TENM1: variants seen among roughly 807,000 people sequenced by gnomAD.
TENM1 encodes teneurin-1.
A neutral mutation model predicts 174.8 loss-of-function variants in TENM1; 35 were observed. That is an observed-to-expected ratio of 0.20 (90% CI 0.15 to 0.27). The LOEUF is 0.27. Among genes scored for constraint, TENM1 ranks in the 10% least tolerant of loss-of-function variants. The probability of loss-of-function intolerance (pLI) is 1.00; values close to 1 mark genes in which losing one functional copy is unlikely to be tolerated. For missense variants in TENM1, 1,633 were observed against 2,130.1 expected (o/e 0.77, Z 4.59); for synonymous variants, 781 against 798.7 (o/e 0.98, Z 0.37).
chrX:124,634,519 C>T (rs886958561), intron 11 of TENM1, among the ~76,000 whole-genome samples: 8 of 110,525 alleles, frequency 7.2e-5, no homozygotes, highest in African/African-American at 2.3e-4. Context: ...TGAATAGCTG[C>T]GTAGTTATCC....
the TENM1 span, among the ~76,000 whole-genome samples, chrX:125,063,783 C>A: frequency 9.0e-6 from 1 of 111,113 alleles, no homozygotes; most frequent in Non-Finnish European, 1.9e-5. Context: ...CTAGAAATAC[C>A]ATTTGACCCA....
At chrX:124,911,412 A>G (rs748579418) in intron 1 of TENM1, among the ~76,000 whole-genome samples, 5 of 111,493 alleles carry the variant, frequency 4.5e-5, no homozygotes, top group African/African-American at 1.6e-4. Flanking sequence ...TGATGATAGG[A>G]CAAGGAGGTA....
intron 3 of TENM1, among the ~76,000 whole-genome samples, chrX:124,872,017 C>G (rs781093259): frequency 1.2e-5 from 1 of 85,114 alleles, no homozygotes; most frequent in Non-Finnish European, 2.1e-5. Flanking sequence ...GGCGACAGAG[C>G]GAGACTCTGT....
rs142641779 is a variant in TENM1, at chrX:124,895,911, G to A, written c.478+70C>T. On this transcript the variant is annotated intron_variant, in intron 2 of 31. Transcript: ENST00000422452. ...TGAAAGAAGGGCAGATATAGGGAAG[G>A]AGAACAAAGCAAAGGCTAAAAACTG... 2.0e-3 allele frequency: 2,246 copies of A among 1,130,970 alleles called. 34 individuals are homozygous for A. In the African/African-American group the frequency reaches 0.032, roughly 16 times the overall value. 93.2% of individuals were successfully genotyped at this position (1,130,970 alleles called of 1,213,427 possible). A position where few individuals can be genotyped will look rare whatever the true frequency, so the allele number is the denominator to read the frequency against.
chrX:125,159,973 G>A, the TENM1 span, among the ~76,000 whole-genome samples: 1 of 110,662 alleles, frequency 9.0e-6, no homozygotes, highest in Non-Finnish European at 1.9e-5. Context: ...GTGGAGGCCG[G>A]CAGATCACTT....
At chrX:124,705,466 C>T (rs1181117883) in intron 4 of TENM1, among the ~76,000 whole-genome samples, 2 of 110,667 alleles carry the variant, frequency 1.8e-5, no homozygotes, top group Non-Finnish European at 3.8e-5. Flanking sequence ...TCATCTAGAC[C>T]TTTAAGAAAC....
chrX:124,715,624 TCTTTTCTTTTC>T (rs1485812932), intron 4 of TENM1, among the ~76,000 whole-genome samples: 2 of 109,895 alleles, frequency 1.8e-5, no homozygotes, highest in African/African-American at 3.3e-5. Flanking sequence ...TTTTTCCTTT[TCTTTTCTTTTC>T]CTTTTCTTTT....
At chrX:125,049,819 G>A in the TENM1 span, among the ~76,000 whole-genome samples, 1 of 110,558 alleles carries the variant, frequency 9.0e-6, no homozygotes, top group African/African-American at 3.3e-5. Context: ...GGTCATTTGT[G>A]TGTTTTCTTT....
chrX:125,075,412 C>T, the TENM1 span, among the ~76,000 whole-genome samples: 1 of 111,219 alleles, frequency 9.0e-6, no homozygotes, highest in Admixed American at 9.6e-5. Flanking sequence ...TGGGGTATAG[C>T]CACTTTTTGG....
chrX:124,554,983 A>G (rs775608941), intron 14 of TENM1, among the ~76,000 whole-genome samples: 1 of 112,280 alleles, frequency 8.9e-6, no homozygotes, highest in East Asian at 2.8e-4. Context: ...AGAGAAAAAA[A>G]GGCTGTTTGG....
intron 1 of TENM1, among the ~76,000 whole-genome samples, chrX:124,952,860 ATGAC>A (rs1475139543): frequency 8.9e-6 from 1 of 111,798 alleles, no homozygotes; most frequent in Non-Finnish European, 1.9e-5. Context: ...TGTCACAAGA[ATGAC>A]TGGCACCAAA....
intron 4 of TENM1, among the ~76,000 whole-genome samples, chrX:124,706,123 T>C (rs2148495985): frequency 8.9e-6 from 1 of 112,088 alleles, no homozygotes; most frequent in Non-Finnish European, 1.9e-5. Flanking sequence ...CAGGATGGTA[T>C]CCATCTCTTG....
intron 18 of TENM1, among the ~76,000 whole-genome samples, chrX:124,504,742 G>C (rs1397338353): frequency 9.0e-6 from 1 of 111,323 alleles, no homozygotes; most frequent in African/African-American, 3.3e-5. Context: ...TCCTTCCTTT[G>C]TCATTTGGTT....
At chrX:125,138,850 G>T in the TENM1 span, among the ~76,000 whole-genome samples, 5 of 110,742 alleles carry the variant, frequency 4.5e-5, no homozygotes, top group Non-Finnish European at 9.5e-5. Context: ...AATGGTAGGT[G>T]TGGGGACTTC....
At chrX:124,472,438 T>C (rs1178552148) in intron 22 of TENM1, among the ~76,000 whole-genome samples, 1 of 101,554 alleles carries the variant, frequency 9.8e-6, no homozygotes, top group Non-Finnish European at 2.0e-5. Flanking sequence ...ATGTTGCATA[T>C]AACTTATGTC....
chrX:125,203,165 C>T, the TENM1 span, among the ~76,000 whole-genome samples: 1 of 112,804 alleles, frequency 8.9e-6, no homozygotes, highest in East Asian at 2.8e-4. Flanking sequence ...TCCTGCAGTT[C>T]CCCCGGGAAC....
intron 19 of TENM1, among the ~76,000 whole-genome samples, chrX:124,502,145 G>A (rs912554237): frequency 1.8e-5 from 2 of 112,141 alleles, no homozygotes; most frequent in Admixed American, 1.9e-4. Flanking sequence ...AATCACTGAA[G>A]TGTACATTTA....
At chrX:125,192,211 G>GAAA in the TENM1 span, among the ~76,000 whole-genome samples, 1 of 109,739 alleles carries the variant, frequency 9.1e-6, no homozygotes, top group East Asian at 2.8e-4. Flanking sequence ...AAGGCCCTGA[G>GAAA]AAAAAAAAAG....
intron 3 of TENM1, among the ~76,000 whole-genome samples, chrX:124,788,315 G>A (rs1349512967): frequency 9.0e-6 from 1 of 110,971 alleles, no homozygotes; most frequent in Non-Finnish European, 1.9e-5. Context: ...TATGAGATTT[G>A]GGTGGGGACA....
Sources: gnomAD v4.1 joint callset for allele counts (sites outside exome capture counted in the v4.1 genomes callset) on GRCh38, gnomAD v4.1.1 for gene constraint, MANE v1.5 for transcripts, NCBI Gene and HGNC (gene_info 2026-07-23, HGNC 2026-07-21) for gene names.